GRIN2B: variants seen among roughly 807,000 people sequenced by gnomAD.
GRIN2B encodes the protein glutamate receptor ionotropic, NMDA 2B.
A neutral mutation model predicts 114.5 loss-of-function variants in GRIN2B; 5 were observed. That is an observed-to-expected ratio of 0.04 (90% CI 0.02 to 0.09). The LOEUF is 0.09. Ranked by LOEUF, GRIN2B falls within the 10% of genes least tolerant of loss-of-function variation. The pLI, the probability that GRIN2B is intolerant of heterozygous loss-of-function variation, is 1.00. For synonymous variants in GRIN2B, 787 were observed against 745.1 expected, an observed-to-expected ratio of 1.06 and a Z score of -0.92; for missense variants, 1,108 against 1,943.5, an observed-to-expected ratio of 0.57 and a Z score of 8.08.
chr12:13,751,710 GAAA>G (rs1863486292), intron 4 of GRIN2B, among the ~76,000 whole-genome samples: 1 of 152,182 alleles, frequency 6.6e-6, no homozygotes, highest in Non-Finnish European at 1.5e-5. Flanking sequence ...GGAATCCAAA[GAAA>G]CATATCTGGC....
At chr12:13,659,645 T>C (rs1949900887) in intron 5 of GRIN2B, among the ~76,000 whole-genome samples, 4 of 152,166 alleles carry the variant, frequency 2.6e-5, no homozygotes, top group Non-Finnish European at 1.5e-5. Flanking sequence ...AAAAAAACTC[T>C]TATTCAATAA....
intron 5 of GRIN2B, among the ~76,000 whole-genome samples, chr12:13,664,114 G>A (rs929543224): frequency 6.6e-6 from 1 of 152,086 alleles, no homozygotes; most frequent in Non-Finnish European, 1.5e-5. Context: ...GTTTCTCTTG[G>A]TTTTTGAACT....
chr12:13,921,643 T>C (rs912605996), intron 2 of GRIN2B, among the ~76,000 whole-genome samples: 6 of 152,092 alleles, frequency 3.9e-5, no homozygotes, highest in Admixed American at 1.3e-4. Context: ...TACAGCAGTA[T>C]TGGGGAGGTT....
At chr12:13,601,058 G>A (rs1411746393) in intron 10 of GRIN2B, among the ~76,000 whole-genome samples, 1 of 152,204 alleles carries the variant, frequency 6.6e-6, no homozygotes, top group African/African-American at 2.4e-5. Context: ...CTGGGAGACT[G>A]ACAATGCAAA....
At chr12:13,932,972 T>TGA (rs1565591594) in intron 2 of GRIN2B, among the ~76,000 whole-genome samples, 1 of 143,046 alleles carries the variant, frequency 7.0e-6, no homozygotes, top group Non-Finnish European at 1.5e-5. Context: ...TGTGTGTGTG[T>TGA]GTGTGTGTGT....
Position 13,928,764 on chromosome 12 carries a change from A to G in GRIN2B, c.-19+51164T>C, listed in dbSNP as rs564434159. Among the ~76,000 whole-genome samples, 99 of 152,352 alleles carry G rather than the reference A, an allele frequency of 6.5e-4. 2 individuals carry two copies. In the South Asian group the frequency reaches 0.015, roughly 24 times the overall value. ...CTTCCACAAAGGAAAATGATCTTCA[A>G]ACTGCAAAGGGTAAGGCAAACATGG... On this transcript the variant is annotated intron_variant, in intron 2 of 13. Coordinates refer to ENST00000609686, the MANE Select transcript of GRIN2B (RefSeq NM_000834.5).
intron 10 of GRIN2B, among the ~76,000 whole-genome samples, chr12:13,574,302 C>T (rs1948745431): frequency 6.6e-6 from 1 of 152,186 alleles, no homozygotes; most frequent in Non-Finnish European, 1.5e-5. Flanking sequence ...AAATACAACA[C>T]TTCAGATGTT....
At chr12:13,575,818 G>A (rs975133567) in intron 10 of GRIN2B, among the ~76,000 whole-genome samples, 2 of 152,070 alleles carry the variant, frequency 1.3e-5, no homozygotes, top group South Asian at 2.1e-4. Flanking sequence ...ACATGGGCAA[G>A]TTCCTTAAAT....
At chr12:13,674,778 G>C (rs192151850) in intron 5 of GRIN2B, among the ~76,000 whole-genome samples, 2 of 152,212 alleles carry the variant, frequency 1.3e-5, no homozygotes, top group African/African-American at 4.8e-5. Flanking sequence ...GGGTCTCAAG[G>C]TAGAATAATT....
At chr12:13,978,893 A>C (rs1863079529) in intron 2 of GRIN2B, among the ~76,000 whole-genome samples, 1 of 152,246 alleles carries the variant, frequency 6.6e-6, no homozygotes, top group Admixed American at 6.5e-5. Context: ...TCTCTTCTCA[A>C]GTACATTAAA....
chr12:13,849,545 T>G (rs894029536), intron 3 of GRIN2B, among the ~76,000 whole-genome samples: 1 of 152,046 alleles, frequency 6.6e-6, no homozygotes, highest in Non-Finnish European at 1.5e-5. Flanking sequence ...AGACTCTCTA[T>G]GACCTCCATT....
intron 3 of GRIN2B, among the ~76,000 whole-genome samples, chr12:13,846,173 A>G (rs1202743013): frequency 1.3e-5 from 2 of 152,192 alleles, no homozygotes; most frequent in Admixed American, 6.5e-5. Flanking sequence ...AAAGATGAGA[A>G]CCAGACCTCT....
chr12:13,817,780 G>C (rs966876947), intron 3 of GRIN2B, among the ~76,000 whole-genome samples: 1 of 152,118 alleles, frequency 6.6e-6, no homozygotes, highest in African/African-American at 2.4e-5. Flanking sequence ...GCTCAGGAAT[G>C]GTTCTTCTGG....
intron 2 of GRIN2B, among the ~76,000 whole-genome samples, chr12:13,939,604 G>A (rs1258913298): frequency 7.6e-6 from 1 of 131,090 alleles, no homozygotes; most frequent in African/African-American, 2.9e-5. Context: ...ACCCAGGCTA[G>A]AGTGCAGTAG....
At chr12:13,737,598 C>T (rs1310149562) in intron 4 of GRIN2B, among the ~76,000 whole-genome samples, 1 of 152,194 alleles carries the variant, frequency 6.6e-6, no homozygotes, top group Non-Finnish European at 1.5e-5. Flanking sequence ...TTCCACAAAA[C>T]TCAAGTCCGA....
chr12:13,791,534 A>AC (rs1202906170), intron 3 of GRIN2B, among the ~76,000 whole-genome samples: 1 of 152,020 alleles, frequency 6.6e-6, no homozygotes, highest in African/African-American at 2.4e-5. Flanking sequence ...CACAGAATGC[A>AC]CCATGGACAG....
At chr12:13,946,827 T>C (rs952994604) in intron 2 of GRIN2B, among the ~76,000 whole-genome samples, 2 of 152,238 alleles carry the variant, frequency 1.3e-5, no homozygotes, top group African/African-American at 4.8e-5. Context: ...AGGACTGTTA[T>C]CTTTTAATAA....
rs1175620504 is a variant in GRIN2B at position 13,551,634 on chromosome 12, T to C, written c.*11149A>G. The C allele has an allele frequency of 6.6e-6, 1 of 152,190 alleles. No individual in the cohort carries two copies. The highest frequency in any genetic ancestry group is 1.5e-5 in the Non-Finnish European group (1 of 68,032). 9.4% of individuals were successfully genotyped at this position (152,190 alleles called of 1,614,324 possible). A position where few individuals can be genotyped will look rare whatever the true frequency, so the allele number is the denominator to read the frequency against. On this transcript the variant is annotated 3_prime_UTR_variant, in exon 14 of 14. Transcript: ENST00000609686. ...CCATAACATGATTGACATAGGAAAT[T>C]TGGATCTATTTGTTAAGATTGTGTG...
chr12:13,576,504 C>CAAAGT (rs1948778814), intron 10 of GRIN2B, among the ~76,000 whole-genome samples: 2 of 151,864 alleles, frequency 1.3e-5, no homozygotes, highest in Admixed American at 1.3e-4. Flanking sequence ...AGTCTGATTT[C>CAAAGT]AAAGTAGGGA....
Sources: allele counts gnomAD v4.1 joint callset (sites outside exome capture counted in the v4.1 genomes callset), GRCh38; gene constraint gnomAD v4.1.1; transcripts MANE v1.5; gene names NCBI Gene and HGNC (gene_info 2026-07-23, HGNC 2026-07-21).